CHODL: variants seen among roughly 807,000 people sequenced by gnomAD.
The protein encoded by CHODL is transmembrane protein MT75.
Under a neutral mutation model 34.5 loss-of-function variants are expected in CHODL, and 29 were observed. That is an observed-to-expected ratio of 0.84 (90% CI 0.63 to 1.15). CHODL has a LOEUF of 1.15. CHODL is among the 50% of genes most tolerant of loss of function. CHODL has a pLI of 0.00. For missense variants in CHODL, 332 were observed against 332.5 expected, an observed-to-expected ratio of 1.00 and a Z score of 0.01; for synonymous variants, 125 against 116.1, an observed-to-expected ratio of 1.08 and a Z score of -0.49.
intron 2 of CHODL, among the ~76,000 whole-genome samples, chr21:18,101,237 G>C (rs764538675): frequency 2.6e-5 from 4 of 152,110 alleles, no homozygotes; most frequent in Non-Finnish European, 2.9e-5. Context: ...GACGTGACTT[G>C]CTCCTCTTTG....
chr21:18,022,760 C>T (rs1198227981), intron 1 of CHODL, among the ~76,000 whole-genome samples: 1 of 152,176 alleles, frequency 6.6e-6, no homozygotes, highest in Non-Finnish European at 1.5e-5. Context: ...AAACTCAATT[C>T]AACATGCAGT....
intron 2 of CHODL, among the ~76,000 whole-genome samples, chr21:18,118,150 A>T (rs1326391128): frequency 1.3e-5 from 2 of 152,202 alleles, no homozygotes; most frequent in Non-Finnish European, 2.9e-5. Context: ...CTGGTTTTTT[A>T]AAATTAACAA....
At chr21:18,261,837 TC>T (rs1259218507) in intron 4 of CHODL, among the ~76,000 whole-genome samples, 1 of 152,156 alleles carries the variant, frequency 6.6e-6, no homozygotes, top group African/African-American at 2.4e-5. Context: ...AAAAAATGAT[TC>T]ATTTTAGAAT....
chr21:17,991,895 G>C (rs1044465724), intron 1 of CHODL, among the ~76,000 whole-genome samples: 3 of 151,986 alleles, frequency 2.0e-5, no homozygotes, highest in African/African-American at 7.2e-5. Flanking sequence ...TAAAACCTTT[G>C]CCTTAATCAA....
chr21:18,187,062 A>C (rs752178400), intron 2 of CHODL, among the ~76,000 whole-genome samples: 16 of 152,214 alleles, frequency 1.1e-4, no homozygotes, highest in Non-Finnish European at 5.9e-5. Context: ...ATACAGCAAA[A>C]GTCAGCAAGT....
At chr21:17,917,876 C>CGTGTGTGTGTGTGTAT (rs1555836391) in intron 1 of CHODL, among the ~76,000 whole-genome samples, 3 of 150,706 alleles carry the variant, frequency 2.0e-5, no homozygotes, top group Non-Finnish European at 4.4e-5. Flanking sequence ...CTCTGATATG[C>CGTGTGTGTGTGTGTAT]GTGTGTGTGT....
chr21:18,206,976 G>C (rs1392663568), intron 2 of CHODL, among the ~76,000 whole-genome samples: 2 of 151,812 alleles, frequency 1.3e-5, no homozygotes, highest in African/African-American at 4.8e-5. Flanking sequence ...ATGTTGGTTT[G>C]CTGCACCCAT....
chr21:17,976,065 T>A, intron 1 of CHODL, among the ~76,000 whole-genome samples: 1 of 151,946 alleles, frequency 6.6e-6, no homozygotes, highest in Non-Finnish European at 1.5e-5. Flanking sequence ...ACTCTAAAAT[T>A]AATGGATTAA....
chr21:18,234,440 GT>G (rs1314022508), intron 2 of CHODL, among the ~76,000 whole-genome samples: 2 of 151,960 alleles, frequency 1.3e-5, no homozygotes, highest in African/African-American at 2.4e-5. Flanking sequence ...TCTGGTACAT[GT>G]TTTTTTCCTA....
chr21:18,236,088 A>G (rs748604220), intron 2 of CHODL, among the ~76,000 whole-genome samples: 8 of 152,124 alleles, frequency 5.3e-5, no homozygotes, highest in Non-Finnish European at 8.8e-5. Context: ...TTACAAGCGA[A>G]AGAGGTTTAA....
At chr21:18,214,973 C>T (rs2073809804) in intron 2 of CHODL, among the ~76,000 whole-genome samples, 1 of 151,726 alleles carries the variant, frequency 6.6e-6, no homozygotes, top group Non-Finnish European at 1.5e-5. Flanking sequence ...AATGGTAAAC[C>T]AAAATGATAT....
chr21:18,070,835 T>C (rs934523333), intron 2 of CHODL, among the ~76,000 whole-genome samples: 22 of 151,906 alleles, frequency 1.4e-4, no homozygotes, highest in Admixed American at 1.3e-3. Context: ...CTCTCTCAAC[T>C]CTAAGTAACT....
Position 17,963,597 on chromosome 21 carries a change from G to A in CHODL, c.-145+46197G>A, listed in dbSNP as rs186513309. On this transcript the variant is annotated intron_variant, in intron 1 of 6. Transcript: ENST00000400127. ...ACAGCATGAGGGTAACTGTGCCCAT[G>A]ATTAAATTACCTCCCACTGGGTCCC... Among the ~76,000 whole-genome samples, 5 of 152,250 alleles carry A rather than the reference G, an allele frequency of 3.3e-5. No individual in the cohort carries two copies. The East Asian group carries it at 7.7e-4, about 24-fold the overall frequency.
chr21:18,007,260 T>G (rs1196845261), intron 1 of CHODL, among the ~76,000 whole-genome samples: 1 of 152,212 alleles, frequency 6.6e-6, no homozygotes, highest in Non-Finnish European at 1.5e-5. Flanking sequence ...GCACAGGATT[T>G]GTTGTACTCT....
chr21:18,133,541 A>T (rs995493036), intron 2 of CHODL, among the ~76,000 whole-genome samples: 1 of 152,132 alleles, frequency 6.6e-6, no homozygotes, highest in East Asian at 1.9e-4. Flanking sequence ...TTTATTCTGG[A>T]CAATCTTTAC....
intron 2 of CHODL, among the ~76,000 whole-genome samples, chr21:18,196,318 C>T (rs1404111559): frequency 6.6e-6 from 1 of 152,150 alleles, no homozygotes; most frequent in Non-Finnish European, 1.5e-5. Context: ...CAACATGGAA[C>T]TTTGATTAAG....
At chr21:18,103,141 T>C (rs2065234944) in intron 2 of CHODL, among the ~76,000 whole-genome samples, 1 of 152,162 alleles carries the variant, frequency 6.6e-6, no homozygotes, top group South Asian at 2.1e-4. Context: ...TCTTCTCTTA[T>C]AAAATAGAAA....
intron 5 of CHODL, among the ~76,000 whole-genome samples, chr21:18,265,396 G>A (rs2074446622): frequency 5.9e-5 from 9 of 151,898 alleles, no homozygotes; most frequent in Admixed American, 5.9e-4. Context: ...ACTGGAGACT[G>A]TTATTCTAAG....
intron 1 of CHODL, among the ~76,000 whole-genome samples, chr21:18,018,522 A>C (rs158054): frequency 1.3e-5 from 2 of 152,034 alleles, no homozygotes; most frequent in Non-Finnish European, 2.9e-5. Flanking sequence ...CTTTTGCCAT[A>C]TGACATGCTT....
Sources: gnomAD v4.1 joint callset for allele counts (sites outside exome capture counted in the v4.1 genomes callset) on GRCh38, gnomAD v4.1.1 for gene constraint, MANE v1.5 for transcripts, NCBI Gene and HGNC (gene_info 2026-07-23, HGNC 2026-07-21) for gene names.